Variants in NELL2 observed in about 807,000 individuals in gnomAD.
NELL2 encodes neural EGFL like 2, also known as protein kinase C-binding protein NELL2.
A neutral mutation model predicts 109.6 loss-of-function variants in NELL2; 41 were observed. The observed-to-expected ratio is 0.37, with a 90% CI of 0.29 to 0.49. The LOEUF (loss-of-function observed/expected upper bound fraction) is 0.49, where lower values mean the gene tolerates loss of function less well. Among genes scored for constraint, NELL2 ranks in the 20% least tolerant of loss-of-function variants. NELL2 has a pLI of 0.98. For synonymous variants in NELL2, 355 were observed against 344.7 expected (o/e 1.03, Z -0.33); for missense variants, 900 against 1,008.3 (o/e 0.89, Z 1.45).
chr12:44,828,980 C>T (rs1943802466), intron 2 of NELL2, among the ~76,000 whole-genome samples: 1 of 152,086 alleles, frequency 6.6e-6, no homozygotes, highest in Non-Finnish European at 1.5e-5. Flanking sequence ...TTAAAATTGG[C>T]ACTTGAGTTT....
chr12:44,695,066 G>A (rs917257242), intron 12 of NELL2, among the ~76,000 whole-genome samples: 1 of 150,722 alleles, frequency 6.6e-6, no homozygotes, highest in East Asian at 2.0e-4. Flanking sequence ...AAGGAAGAGA[G>A]GGAGGAAGGG....
intron 15 of NELL2, among the ~76,000 whole-genome samples, chr12:44,595,174 G>A (rs1254193661): frequency 1.3e-5 from 2 of 152,026 alleles, no homozygotes; most frequent in African/African-American, 4.8e-5. Flanking sequence ...TCTTTTCCTC[G>A]AATTAAACAT....
intron 1 of NELL2, among the ~76,000 whole-genome samples, chr12:44,891,081 A>G: frequency 6.6e-6 from 1 of 152,146 alleles, no homozygotes; most frequent in East Asian, 1.9e-4. Context: ...CACCTTCTCT[A>G]TCGCTGCCCC....
intron 12 of NELL2, among the ~76,000 whole-genome samples, chr12:44,695,051 G>A (rs1307530379): frequency 1.2e-4 from 18 of 148,386 alleles, no homozygotes; most frequent in Admixed American, 1.1e-3. Flanking sequence ...AGGAAGAAAG[G>A]AAGGAAGGAA....
intron 12 of NELL2, among the ~76,000 whole-genome samples, chr12:44,691,131 T>C (rs1338362833): frequency 6.6e-6 from 1 of 152,178 alleles, no homozygotes; most frequent in African/African-American, 2.4e-5. Flanking sequence ...TGCAGTTCAC[T>C]TCAACTGCCT....
intron 18 of NELL2, among the ~76,000 whole-genome samples, chr12:44,521,438 G>A (rs1941527874): frequency 6.6e-6 from 1 of 151,000 alleles, no homozygotes; most frequent in Non-Finnish European, 1.5e-5. Context: ...GCTGAGGCAG[G>A]AGAATGGCGT....
chr12:44,797,926 C>T (rs77392518), intron 3 of NELL2, among the ~76,000 whole-genome samples: 487 of 24,786 alleles, frequency 0.02, 14 homozygotes, highest in African/African-American at 0.037. Flanking sequence ...TGGAATAAAA[C>T]CATTCCATCC....
At chr12:44,711,015 C>T (rs78737896) in intron 11 of NELL2, among the ~76,000 whole-genome samples, 9,053 of 152,116 alleles carry the variant, frequency 0.06, 894 homozygotes, top group African/African-American at 0.2. Flanking sequence ...GTACTGACTC[C>T]AAACCAGCAC....
chr12:44,863,508 T>C (rs1378830247), intron 2 of NELL2, among the ~76,000 whole-genome samples: 1 of 94,318 alleles, frequency 1.1e-5, no homozygotes, highest in African/African-American at 4.0e-5. Context: ...GATATTAAAA[T>C]TGTAGAAGTA....
chr12:44,886,872 C>T (rs1945479413), intron 1 of NELL2, among the ~76,000 whole-genome samples: 2 of 151,918 alleles, frequency 1.3e-5, no homozygotes, highest in Admixed American at 6.6e-5. Context: ...TTTATGAGAT[C>T]TATTTTTTTT....
intron 13 of NELL2, among the ~76,000 whole-genome samples, chr12:44,650,299 ATTTT>A (rs10572082): frequency 1.3e-4 from 19 of 143,018 alleles, no homozygotes; most frequent in East Asian, 2.0e-4. Context: ...CCACCCCCCA[ATTTT>A]TTTTTTTTTT....
chr12:44,679,485 C>T (rs1286120088), intron 12 of NELL2, among the ~76,000 whole-genome samples: 1 of 152,098 alleles, frequency 6.6e-6, no homozygotes, highest in African/African-American at 2.4e-5. Context: ...TAACACTTTG[C>T]TTTGTACAGT....
chr12:44,718,509 T>C (rs1406556286), intron 9 of NELL2, among the ~76,000 whole-genome samples: 2 of 152,338 alleles, frequency 1.3e-5, no homozygotes, highest in East Asian at 3.9e-4. Flanking sequence ...TTTTGTTGTG[T>C]GGCTTGTGTA....
chr12:44,540,447 TGG>T (rs1288242882), intron 15 of NELL2, among the ~76,000 whole-genome samples: 1 of 152,070 alleles, frequency 6.6e-6, no homozygotes, highest in African/African-American at 2.4e-5. Flanking sequence ...ATATGGCTAA[TGG>T]GGGTAGTTTG....
chr12:44,843,417 C>A (rs1298606972), intron 2 of NELL2, among the ~76,000 whole-genome samples: 6 of 152,082 alleles, frequency 3.9e-5, no homozygotes, highest in African/African-American at 1.4e-4. Flanking sequence ...AAATGTGGAA[C>A]AACTGGAACT....
chr12:44,581,423 C>A (rs925167664), intron 15 of NELL2, among the ~76,000 whole-genome samples: 1 of 152,154 alleles, frequency 6.6e-6, no homozygotes, highest in Non-Finnish European at 1.5e-5. Flanking sequence ...GATCTTATTA[C>A]AAAACACTCT....
chr12:44,580,628 G>A (rs1361236493), intron 15 of NELL2, among the ~76,000 whole-genome samples: 1 of 152,120 alleles, frequency 6.6e-6, no homozygotes, highest in Non-Finnish European at 1.5e-5. Flanking sequence ...CAGAAGAATC[G>A]CTAGAACCCA....
At chr12:44,766,825 C>T (rs1566345553) in intron 9 of NELL2, among the ~76,000 whole-genome samples, 2 of 152,246 alleles carry the variant, frequency 1.3e-5, no homozygotes, top group South Asian at 4.1e-4. Context: ...ATTTGCATAA[C>T]GCTTTCTTCT....
chr12:44,743,193 C>G (rs888153468), intron 9 of NELL2, among the ~76,000 whole-genome samples: 13 of 152,062 alleles, frequency 8.5e-5, no homozygotes, highest in Non-Finnish European at 5.9e-5. Context: ...TTCATATCCA[C>G]CCAAACTAAG....
Sources: gnomAD v4.1 joint callset for allele counts (sites outside exome capture counted in the v4.1 genomes callset) on GRCh38, gnomAD v4.1.1 for gene constraint, MANE v1.5 for transcripts, NCBI Gene and HGNC (gene_info 2026-07-23, HGNC 2026-07-21) for gene names.